Variants in NLGN1 observed in about 807,000 individuals in gnomAD.
NLGN1 encodes the protein neuroligin-1.
In NLGN1, 12 loss-of-function variants were observed where a neutral mutation model predicts 65.5. The observed-to-expected ratio is 0.18, with a 90% CI of 0.12 to 0.30. The LOEUF (loss-of-function observed/expected upper bound fraction) is 0.30, where lower values mean the gene tolerates loss of function less well. Ranked by LOEUF, NLGN1 falls within the 10% of genes least tolerant of loss-of-function variation. The pLI is 1.00. For synonymous variants in NLGN1, 350 were observed against 359.5 expected (o/e 0.97, Z 0.30); for missense variants, 750 against 1,007.1 (o/e 0.74, Z 3.46).
chr3:173,735,324 G>A (rs1360900605), intron 3 of NLGN1, among the ~76,000 whole-genome samples: 3 of 151,998 alleles, frequency 2.0e-5, no homozygotes, highest in African/African-American at 7.3e-5. Context: ...TTTCTCCCTT[G>A]CACATGGAAC....
downstream of NLGN1, among the ~76,000 whole-genome samples, chr3:174,288,865 C>G (rs1170470544): frequency 6.6e-6 from 1 of 151,450 alleles, no homozygotes; most frequent in South Asian, 2.1e-4. Flanking sequence ...TTGAGATGTA[C>G]TTTCTACTAA....
At chr3:173,590,844 T>G (rs1187587615) in intron 2 of NLGN1, among the ~76,000 whole-genome samples, 3 of 152,178 alleles carry the variant, frequency 2.0e-5, no homozygotes, top group African/African-American at 7.2e-5. Context: ...AGTGATTTCA[T>G]ATAGAGTTTA....
At chr3:173,580,047 A>T (rs901370931) in intron 2 of NLGN1, among the ~76,000 whole-genome samples, 4 of 152,176 alleles carry the variant, frequency 2.6e-5, no homozygotes, top group Non-Finnish European at 5.9e-5. Flanking sequence ...CTTTCACAAC[A>T]TCCTAAAACG....
chr3:173,494,960 G>T (rs1324563507), intron 2 of NLGN1, among the ~76,000 whole-genome samples: 4 of 151,600 alleles, frequency 2.6e-5, no homozygotes, highest in Admixed American at 1.3e-4. Context: ...CTCTAACTTT[G>T]TTCTTTTACT....
chr3:174,090,682 C>G (rs1361728894), intron 4 of NLGN1, among the ~76,000 whole-genome samples: 2 of 151,338 alleles, frequency 1.3e-5, no homozygotes, highest in Non-Finnish European at 2.9e-5. Flanking sequence ...ATCAAAACCC[C>G]AAGAGAAATG....
At chr3:173,763,183 A>G (rs1314924282) in intron 3 of NLGN1, among the ~76,000 whole-genome samples, 2 of 152,118 alleles carry the variant, frequency 1.3e-5, no homozygotes, top group Admixed American at 1.3e-4. Context: ...AGTAGCTCAT[A>G]TACTGCCAAG....
At chr3:173,891,851 G>A (rs935602512) in intron 4 of NLGN1, among the ~76,000 whole-genome samples, 1 of 152,030 alleles carries the variant, frequency 6.6e-6, no homozygotes, top group African/African-American at 2.4e-5. Context: ...CCATCATGCA[G>A]AAAAGACAAA....
intron 4 of NLGN1, among the ~76,000 whole-genome samples, chr3:173,847,372 T>C (rs1157407005): frequency 6.6e-6 from 1 of 152,102 alleles, no homozygotes; most frequent in Non-Finnish European, 1.5e-5. Flanking sequence ...GATGATATGG[T>C]TTTTTATATT....
At chr3:174,088,356 T>C (rs940402832) in intron 4 of NLGN1, among the ~76,000 whole-genome samples, 8 of 152,288 alleles carry the variant, frequency 5.3e-5, no homozygotes, top group Middle Eastern at 6.8e-3. Flanking sequence ...AAGGACATGT[T>C]ACAAGTTCCC....
chr3:173,489,683 C>T (rs1295946484), intron 2 of NLGN1, among the ~76,000 whole-genome samples: 12 of 151,974 alleles, frequency 7.9e-5, no homozygotes, highest in Admixed American at 5.9e-4. Flanking sequence ...ATGCTTGAAC[C>T]AGTTTACAGT....
At position 173,524,694 on chromosome 3, in the gene NLGN1, GT is replaced by G. The variant is rs1361209375; in HGVS notation, c.-320-79584del. Among the ~76,000 whole-genome samples the G allele has an allele frequency of 3.9e-5, 6 of 152,150 alleles. No individual in the cohort carries two copies. In the East Asian group the frequency reaches 1.2e-3, roughly 29 times the overall value. ...TTGCCCATTCATTATGATGTTGGTTGTGGGTTTTTCATATATGGTTCTTACT... is the reference window on the plus strand; with the variant it reads ...TTGCCCATTCATTATGATGTTGGTTGGGGTTTTTCATATATGGTTCTTACT... On this transcript the variant is annotated intron_variant, in intron 2 of 6. Coordinates refer to ENST00000457714, the Ensembl canonical transcript of NLGN1.
intron 4 of NLGN1, among the ~76,000 whole-genome samples, chr3:173,934,295 ATAC>A (rs895383109): frequency 7.8e-4 from 116 of 149,036 alleles, no homozygotes; most frequent in Middle Eastern, 3.6e-3. Flanking sequence ...TTTTAATATT[ATAC>A]TAATATTATT....
intron 3 of NLGN1, among the ~76,000 whole-genome samples, chr3:173,750,749 T>G (rs1393640901): frequency 1.3e-5 from 2 of 152,086 alleles, no homozygotes; most frequent in African/African-American, 4.8e-5. Flanking sequence ...CATTAATTCT[T>G]TAGATGATGA....
At chr3:174,275,804 G>GA (rs1029423699) in intron 5 of NLGN1, among the ~76,000 whole-genome samples, 26 of 151,954 alleles carry the variant, frequency 1.7e-4, no homozygotes, top group East Asian at 5.8e-4. Flanking sequence ...GTGATTTGAA[G>GA]AAAAAATCAG....
At position 173,852,849 on chromosome 3, in the gene NLGN1, A is replaced by C. The variant is rs566848832; in HGVS notation, c.646+45017A>C. On this transcript the variant is annotated intron_variant, in intron 4 of 6. Coordinates refer to ENST00000457714, the Ensembl canonical transcript of NLGN1. ...ACAATCTAGCTAGATCTGCTAAGGG[A>C]TGTTCATAAATACAGTATCATTTTG... Among the ~76,000 whole-genome samples, 7 of 152,298 alleles carry C rather than the reference A, an allele frequency of 4.6e-5. No individual in the cohort carries two copies. The East Asian group carries it at 5.8e-4, about 13-fold the overall frequency.
At chr3:174,288,519 A>G (rs1309195458), downstream of NLGN1, among the ~76,000 whole-genome samples, 1 of 151,100 alleles carries the variant, frequency 6.6e-6, no homozygotes, top group Non-Finnish European at 1.5e-5. Flanking sequence ...TTATAGCCAC[A>G]CCGTCTTCAT....
chr3:173,917,597 A>G (rs1234423962), intron 4 of NLGN1, among the ~76,000 whole-genome samples: 4 of 152,186 alleles, frequency 2.6e-5, no homozygotes, highest in Non-Finnish European at 4.4e-5. Context: ...CTTTGCCTCT[A>G]TATTTTTCTA....
chr3:173,517,945 A>G (rs908603950), intron 2 of NLGN1, among the ~76,000 whole-genome samples: 6 of 152,228 alleles, frequency 3.9e-5, no homozygotes, highest in Admixed American at 6.5e-5. Flanking sequence ...CAAACCTGTG[A>G]CATAAAAGAT....
chr3:173,462,554 C>G (rs1264549697), intron 2 of NLGN1, among the ~76,000 whole-genome samples: 1 of 152,108 alleles, frequency 6.6e-6, no homozygotes, highest in Non-Finnish European at 1.5e-5. Context: ...GTCACCTTCT[C>G]CCTGACTCCA....
Sources: allele counts gnomAD v4.1 joint callset (sites outside exome capture counted in the v4.1 genomes callset), GRCh38; gene constraint gnomAD v4.1.1; transcripts MANE v1.5; gene names NCBI Gene and HGNC (gene_info 2026-07-23, HGNC 2026-07-21).